The following KCNH7 variants were observed in gnomAD, a reference collection of about 807,000 sequenced individuals.
KCNH7 encodes the protein voltage-gated inwardly rectifying potassium channel KCNH7.
KCNH7 carries 49 observed loss-of-function variants against 120.8 expected under a neutral mutation model. That is an observed-to-expected ratio of 0.41 (90% CI 0.32 to 0.51). The LOEUF (loss-of-function observed/expected upper bound fraction) is 0.51. Among genes scored for constraint, KCNH7 ranks in the 20% least tolerant of loss-of-function variants. The pLI, the probability that KCNH7 is intolerant of heterozygous loss-of-function variation, is 0.38. For synonymous variants in KCNH7, 547 were observed against 516.1 expected, an observed-to-expected ratio of 1.06 and a Z score of -0.81; for missense variants, 1,097 against 1,446.6, an observed-to-expected ratio of 0.76 and a Z score of 3.92.
chr2:162,821,993 C>G (rs2105594490), intron 2 of KCNH7, among the ~76,000 whole-genome samples: 1 of 151,566 alleles, frequency 6.6e-6, no homozygotes, highest in Middle Eastern at 3.4e-3. Flanking sequence ...GTTGTCCAAA[C>G]TGCTGATATT....
At chr2:162,420,953 A>T (rs1262439918) in intron 9 of KCNH7, among the ~76,000 whole-genome samples, 3 of 151,810 alleles carry the variant, frequency 2.0e-5, no homozygotes, top group African/African-American at 4.8e-5. Context: ...TTTTTTTTTT[A>T]AACTCTCAAT....
Position 162,446,044 on chromosome 2 carries a change from G to A in KCNH7, c.1528C>T (p.Leu510=), listed in dbSNP as rs868429938. 6.2e-7 allele frequency: 1 copy of A among 1,613,290 alleles called. No homozygotes were observed. The highest frequency in any genetic ancestry group is 8.5e-7 in the Non-Finnish European group (1 of 1,179,622). ...TCATCAGAACCTGATCCAAAAATCA[G>A]CAAGTCAAAAGGAATTGCTGCAACC... is the stretch of plus-strand genomic sequence containing the variant. ...DMVAAIPFDL[L]IFGSGSDETT... Residue 510 remains leucine, a synonymous_variant, in exon 7 of 16, where the codon CTG becomes TTG. Transcript: ENST00000332142.
intron 2 of KCNH7, among the ~76,000 whole-genome samples, chr2:162,783,881 T>C (rs1410618967): frequency 6.6e-6 from 1 of 152,078 alleles, no homozygotes; most frequent in Admixed American, 6.5e-5. Context: ...ATTTGAAATG[T>C]AAAAAAATGT....
intron 2 of KCNH7, among the ~76,000 whole-genome samples, chr2:162,640,564 A>T (rs1300547656): frequency 6.6e-6 from 1 of 152,120 alleles, no homozygotes; most frequent in Non-Finnish European, 1.5e-5. Flanking sequence ...AAAATGTATC[A>T]CAGGCTTAAA....
chr2:162,504,828 G>A (rs569375558), intron 5 of KCNH7, among the ~76,000 whole-genome samples, 171 bp from the exon 6 acceptor site: 85 of 152,062 alleles, frequency 5.6e-4, no homozygotes, highest in Admixed American at 1.7e-3. Context: ...GGGCCACATG[G>A]AATGGCATGT....
intron 6 of KCNH7, among the ~76,000 whole-genome samples, chr2:162,470,476 G>A (rs1215715045): frequency 6.9e-5 from 10 of 145,456 alleles, no homozygotes; most frequent in Non-Finnish European, 1.0e-4. Context: ...CCCGGCAGCC[G>A]CCCTGTCTGA....
chr2:162,565,325 A>C (rs142081362), intron 2 of KCNH7, among the ~76,000 whole-genome samples: 81 of 152,186 alleles, frequency 5.3e-4, no homozygotes, highest in African/African-American at 1.8e-3. Flanking sequence ...AGGAAAAAAA[A>C]CGTAACTAGT....
rs141194388 is a variant in KCNH7 at position 162,752,087 on chromosome 2, T to A, written c.307+84450A>T. ...ACTTCCTTATTTTTGTCTATGATTT[T>A]CTCATCAATGTTTAAATAAAAGTAA... On this transcript the variant is annotated intron_variant, in intron 2 of 15. Coordinates refer to ENST00000332142, the MANE Select transcript of KCNH7 (RefSeq NM_033272.4). 3.0e-3 allele frequency among the ~76,000 whole-genome samples: 452 copies of A among 152,276 alleles called. 1 individual carries two copies. Among genetic ancestry groups the A allele is most frequent in the African/African-American group, 0.01 (422 of 41,574 alleles).
intron 12 of KCNH7, among the ~76,000 whole-genome samples, chr2:162,385,727 C>A (rs1435715279): frequency 1.3e-5 from 2 of 151,752 alleles, no homozygotes; most frequent in Non-Finnish European, 2.9e-5. Flanking sequence ...AATAACTAAC[C>A]AACAAAACGC....
chr2:162,605,905 G>T (rs1011969016), intron 2 of KCNH7, among the ~76,000 whole-genome samples: 1 of 151,926 alleles, frequency 6.6e-6, no homozygotes, highest in Non-Finnish European at 1.5e-5. Flanking sequence ...TAAAAAGACT[G>T]AGTTTCCACC....
intron 2 of KCNH7, among the ~76,000 whole-genome samples, chr2:162,661,224 G>C (rs749160059): frequency 5.3e-5 from 8 of 152,154 alleles, no homozygotes; most frequent in Admixed American, 3.3e-4. Flanking sequence ...AACTCTTTGG[G>C]TCTTCACCTG....
intron 2 of KCNH7, among the ~76,000 whole-genome samples, chr2:162,550,927 T>G (rs1384791141): frequency 6.6e-6 from 1 of 151,424 alleles, no homozygotes; most frequent in Non-Finnish European, 1.5e-5. Flanking sequence ...AGGCACTACA[T>G]TTTTCTCTAT....
At chr2:162,734,732 A>G (rs1409479034) in intron 2 of KCNH7, among the ~76,000 whole-genome samples, 1 of 152,018 alleles carries the variant, frequency 6.6e-6, no homozygotes, top group Non-Finnish European at 1.5e-5. Context: ...GGCTTTAAAT[A>G]TTAAAAGCCA....
At chr2:162,699,817 A>G (rs970318631) in intron 2 of KCNH7, among the ~76,000 whole-genome samples, 2 of 152,154 alleles carry the variant, frequency 1.3e-5, no homozygotes, top group African/African-American at 4.8e-5. Flanking sequence ...CCCTTTGAAC[A>G]TCATGGAAAG....
In KCNH7 at chr2:162,595,687, T is replaced by C. The variant is rs902566561; in HGVS notation, c.308-58607A>G. Reference sequence around the variant, plus strand: ...GGCAAGGATATTCACTCACCACTTCTATTCACATTGTGCTGGAAGTCCTAG... The same window carrying C: ...GGCAAGGATATTCACTCACCACTTCCATTCACATTGTGCTGGAAGTCCTAG... On this transcript the variant is annotated intron_variant, in intron 2 of 15. Coordinates refer to ENST00000332142, the MANE Select transcript of KCNH7 (RefSeq NM_033272.4). Among the ~76,000 whole-genome samples the C allele has an allele frequency of 4.6e-5, 7 of 151,988 alleles. No individual in the cohort carries two copies. The Admixed American group carries it at 4.6e-4, about 10-fold the overall frequency.
chr2:162,536,713 T>C (rs937973464), intron 3 of KCNH7, among the ~76,000 whole-genome samples: 5 of 151,982 alleles, frequency 3.3e-5, no homozygotes, highest in African/African-American at 1.2e-4. Flanking sequence ...GTTAAATACA[T>C]TATATTATAT....
At chr2:162,447,968 C>A (rs1359269853) in intron 6 of KCNH7, among the ~76,000 whole-genome samples, 1 of 152,056 alleles carries the variant, frequency 6.6e-6, no homozygotes, top group Non-Finnish European at 1.5e-5. Flanking sequence ...AATAAAGAAT[C>A]TGACCTGACC....
intron 2 of KCNH7, among the ~76,000 whole-genome samples, chr2:162,640,268 G>A (rs1278833277): frequency 6.6e-6 from 1 of 152,084 alleles, no homozygotes; most frequent in Non-Finnish European, 1.5e-5. Context: ...AGATTAAAAT[G>A]GAAGTAATTA....
At chr2:162,685,056 A>G (rs1390145326) in intron 2 of KCNH7, among the ~76,000 whole-genome samples, 8 of 152,140 alleles carry the variant, frequency 5.3e-5, no homozygotes, top group African/African-American at 1.9e-4. Flanking sequence ...GGGGACATGG[A>G]TAAAGGTGGA....
Sources: gnomAD v4.1 joint callset for allele counts (sites outside exome capture counted in the v4.1 genomes callset) on GRCh38, gnomAD v4.1.1 for gene constraint, MANE v1.5 for transcripts, NCBI Gene and HGNC (gene_info 2026-07-23, HGNC 2026-07-21) for gene names.